Variants in CLCN5 observed in about 807,000 individuals in gnomAD.
CLCN5 encodes the protein Cl-/H+ antiporter 5.
A neutral mutation model predicts 54.0 loss-of-function variants in CLCN5; 17 were observed. That is an observed-to-expected ratio of 0.31 (90% CI 0.22 to 0.47). CLCN5 has a LOEUF of 0.47. Among genes scored for constraint, CLCN5 ranks in the 20% least tolerant of loss-of-function variants. The probability of loss-of-function intolerance (pLI) is 1.00; values close to 1 mark genes in which losing one functional copy is unlikely to be tolerated. For missense variants in CLCN5, 448 were observed against 646.7 expected (o/e 0.69, Z 3.33); for synonymous variants, 222 against 233.0 (o/e 0.95, Z 0.43).
chrX:50,013,988 T>A (rs1557183073), intron 3 of CLCN5, among the ~76,000 whole-genome samples: 1 of 112,159 alleles, frequency 8.9e-6, no homozygotes, highest in South Asian at 3.7e-4. Context: ...GACCTTACTG[T>A]CTAGCAGGCT....
intron 3 of CLCN5, among the ~76,000 whole-genome samples, chrX:50,017,082 T>C (rs568839138): frequency 8.9e-6 from 1 of 111,985 alleles, no homozygotes; most frequent in East Asian, 2.8e-4. Context: ...ATAAAGCTGC[T>C]ATAAACGTTT....
intron 9 of CLCN5, chrX:50,085,581 A>G (rs1933855514): frequency 4.3e-6 from 1 of 234,717 alleles, no homozygotes; most frequent in African/African-American, 2.9e-5. Context: ...CTTCTTGAAC[A>G]TCTCATTTAA....
chrX:50,078,438 A>G (rs1323543360), intron 7 of CLCN5, among the ~76,000 whole-genome samples: 1 of 112,408 alleles, frequency 8.9e-6, no homozygotes. Context: ...CTCAATGGCA[A>G]CAGCTTGCAT....
chrX:50,092,589 G>A lies in CLCN5; in HGVS notation c.*370G>A. The A allele has an allele frequency of 6.6e-6, 1 of 152,288 alleles. No individual in the cohort carries two copies. The highest frequency in any genetic ancestry group is 3.1e-5 in the African/African-American group (1 of 32,730). The allele number at this position is 152,288 out of a possible 1,213,427, so 12.6% of individuals were successfully genotyped here. A position where few individuals can be genotyped will look rare whatever the true frequency, so the allele number is the denominator to read the frequency against. ...AACCGTCCTGACCTATAACCTGTAG[G>A]AAACCGACGAAAAAGTCACTCTTTT... On this transcript the variant is annotated 3_prime_UTR_variant, in exon 15 of 15. Transcript: ENST00000376091.
intron 4 of CLCN5, among the ~76,000 whole-genome samples, chrX:50,046,543 G>A (rs1932402353): frequency 9.0e-6 from 1 of 111,348 alleles, no homozygotes; most frequent in African/African-American, 3.3e-5. Flanking sequence ...GGTGGGAAGG[G>A]TGGTGGCAGT....
intron 3 of CLCN5, among the ~76,000 whole-genome samples, chrX:50,029,899 G>T (rs1043027691): frequency 2.1e-4 from 24 of 112,032 alleles, no homozygotes; most frequent in Admixed American, 1.9e-3. Context: ...ATACCCAAAG[G>T]ATTATAAATC....
intron 3 of CLCN5, among the ~76,000 whole-genome samples, chrX:49,991,625 A>G (rs1929267186): frequency 8.9e-6 from 1 of 112,072 alleles, no homozygotes; most frequent in Admixed American, 9.5e-5. Context: ...CTCTTTGCCT[A>G]AGCCAATGTC....
chrX:49,931,193 G>GA (rs1421634560), intron 3 of CLCN5, among the ~76,000 whole-genome samples: 3 of 111,359 alleles, frequency 2.7e-5, no homozygotes, highest in Non-Finnish European at 3.8e-5. Flanking sequence ...GATTAAATGA[G>GA]AAAATCACAG....
At position 49,998,366 on chromosome X, in the gene CLCN5, G is replaced by A. The variant is rs184160086; in HGVS notation, c.17-43950G>A. Among the ~76,000 whole-genome samples, 8 of 111,442 alleles carry A rather than the reference G, an allele frequency of 7.2e-5. No homozygotes were observed. The East Asian group carries it at 1.1e-3, about 16-fold the overall frequency. The stretch of plus-strand genomic sequence containing the variant: ...CAGGAATATATACTTAATGGGGTAC[G>A]GTCACTGGACCCTTCTCACTTACTC... On this transcript the variant is annotated intron_variant, in intron 3 of 14. Transcript: ENST00000376091.
At chrX:50,021,071 G>A (rs1931072875) in intron 3 of CLCN5, among the ~76,000 whole-genome samples, 1 of 60,728 alleles carries the variant, frequency 1.6e-5, no homozygotes, top group Non-Finnish European at 2.6e-5. Context: ...ACCTTGGGCA[G>A]TATGGCCATT....
At chrX:50,047,913 CT>C (rs1388543674) in intron 4 of CLCN5, among the ~76,000 whole-genome samples, 1 of 111,854 alleles carries the variant, frequency 8.9e-6, no homozygotes, top group Non-Finnish European at 1.9e-5. Flanking sequence ...TGATGTTGAC[CT>C]TGATCACCTG....
chrX:50,074,672 G>A lies in CLCN5; in HGVS notation c.416-1123G>A, dbSNP rs1052946232. On this transcript the variant is annotated intron_variant, in intron 6 of 14. Coordinates refer to ENST00000376091, the MANE Select transcript of CLCN5 (RefSeq NM_001127898.4). ...ACACGACATGGCTTCCCGCCCGTTGGAATGTAGGCATAATATCCTCAACTT... is the reference window on the plus strand; with the variant it reads ...ACACGACATGGCTTCCCGCCCGTTGAAATGTAGGCATAATATCCTCAACTT... Among the ~76,000 whole-genome samples the A allele has an allele frequency of 5.3e-5, 6 of 112,347 alleles. No homozygotes were observed. The Admixed American group carries it at 5.6e-4, about 11-fold the overall frequency.
intron 3 of CLCN5, among the ~76,000 whole-genome samples, chrX:49,938,685 C>A (rs1210418493): frequency 8.9e-6 from 1 of 111,741 alleles, no homozygotes; most frequent in Non-Finnish European, 1.9e-5. Context: ...ACCATAAAAA[C>A]CCTAGAAGAA....
intron 3 of CLCN5, among the ~76,000 whole-genome samples, chrX:50,001,354 A>G (rs1929797396): frequency 1.8e-5 from 2 of 110,791 alleles, no homozygotes; most frequent in Admixed American, 9.6e-5. Context: ...TTCTCTACCC[A>G]AAAAGCTCCT....
intron 4 of CLCN5, among the ~76,000 whole-genome samples, chrX:50,045,912 G>A (rs1228662453): frequency 8.9e-6 from 1 of 112,218 alleles, no homozygotes; most frequent in African/African-American, 3.2e-5. Flanking sequence ...GATATTCAGA[G>A]GTGAAACTGC....
chrX:50,067,061 A>G (rs1933049293), intron 4 of CLCN5, among the ~76,000 whole-genome samples: 1 of 109,930 alleles, frequency 9.1e-6, no homozygotes, highest in African/African-American at 3.3e-5. Context: ...GCAGCCCTCT[A>G]CTCTGGGTAG....
intron 3 of CLCN5, among the ~76,000 whole-genome samples, chrX:49,982,381 T>C (rs1444574505): frequency 9.0e-6 from 1 of 111,082 alleles, no homozygotes; most frequent in African/African-American, 3.3e-5. Context: ...AAAAAGCAAC[T>C]GTTACAAAGT....
At chrX:49,928,696 C>T (rs1489567129) in intron 3 of CLCN5, among the ~76,000 whole-genome samples, 3 of 111,435 alleles carry the variant, frequency 2.7e-5, no homozygotes, top group Non-Finnish European at 5.7e-5. Flanking sequence ...GAGGCCGAGG[C>T]GGGCGGATCA....
chrX:49,955,285 C>T (rs1030463762), intron 3 of CLCN5, among the ~76,000 whole-genome samples: 1 of 111,317 alleles, frequency 9.0e-6, no homozygotes, highest in Non-Finnish European at 1.9e-5. Context: ...AGCTCTATGG[C>T]CCTTAGTTGA....
Sources: allele counts gnomAD v4.1 joint callset (sites outside exome capture counted in the v4.1 genomes callset), GRCh38; gene constraint gnomAD v4.1.1; transcripts MANE v1.5; gene names NCBI Gene and HGNC (gene_info 2026-07-23, HGNC 2026-07-21).